DYM: variants seen among roughly 807,000 people sequenced by gnomAD.
DYM encodes dyggve-Melchior-Clausen syndrome protein.
Under a neutral mutation model 93.1 loss-of-function variants are expected in DYM, and 78 were observed. That is an observed-to-expected ratio of 0.84 (90% confidence interval 0.70 to 1.01). The LOEUF (loss-of-function observed/expected upper bound fraction) is 1.01. Among genes scored for constraint, DYM ranks in the 50% least tolerant of loss-of-function variants. The pLI, the probability that DYM is intolerant of heterozygous loss-of-function variation, is 0.00. For synonymous variants in DYM, 321 were observed against 319.7 expected, an observed-to-expected ratio of 1.00 and a Z score of -0.04; for missense variants, 789 against 845.0, an observed-to-expected ratio of 0.93 and a Z score of 0.82.
chr18:49,049,403 G>A (rs1030281321), intron 17 of DYM, among the ~76,000 whole-genome samples: 3 of 152,144 alleles, frequency 2.0e-5, no homozygotes, highest in African/African-American at 7.2e-5. Flanking sequence ...GGACACATGG[G>A]GTCCCAGCCT....
intron 1 of DYM, among the ~76,000 whole-genome samples, chr18:49,430,985 G>A (rs910183840): frequency 6.6e-6 from 1 of 152,162 alleles, no homozygotes; most frequent in Non-Finnish European, 1.5e-5. Context: ...TCTTAGGATG[G>A]GCATAGCTCT....
chr18:49,389,258 A>C (rs79607540), intron 3 of DYM, among the ~76,000 whole-genome samples: 2 of 152,282 alleles, frequency 1.3e-5, no homozygotes, highest in East Asian at 3.9e-4. Flanking sequence ...TAAACATGTA[A>C]CACATTCCTG....
intron 17 of DYM, among the ~76,000 whole-genome samples, chr18:49,067,208 G>GTT (rs2076481265): frequency 7.8e-6 from 1 of 128,618 alleles, no homozygotes; most frequent in African/African-American, 2.9e-5. Flanking sequence ...GGGGTGATGT[G>GTT]AGCACTATGC....
At chr18:49,321,183 A>G (rs1055414452) in intron 8 of DYM, 2 of 391,490 alleles carry the variant, frequency 5.1e-6, no homozygotes, top group Non-Finnish European at 9.0e-6. Context: ...AAATTCTACA[A>G]TTTACAACTC....
chr18:49,370,280 GAAAAA>G (rs35985394), intron 5 of DYM, among the ~76,000 whole-genome samples: 1 of 121,034 alleles, frequency 8.3e-6, no homozygotes, highest in Non-Finnish European at 1.7e-5. Flanking sequence ...CTCCATCTCA[GAAAAA>G]AAAAAAAAAA....
chr18:49,282,008 T>C lies in DYM; in HGVS notation c.1114A>G (p.Met372Val), dbSNP rs1336246999. ...AGTATGATACTTACAAGATTTTCCA[T>C]ATCTGTGCGAGCCAACATGTATGTT... is the stretch of plus-strand genomic sequence containing the variant. ...IRTYMLARTDMENLVLPILEI... is the reference protein window; with the variant it reads ...IRTYMLARTDVENLVLPILEI... Residue 372 changes from methionine (M) to valine (V), a missense_variant, in exon 10 of 18, where the codon ATG (methionine) becomes GTG (valine). Met to Val is a conservative substitution (Grantham distance 21). This residue lies in a region of DYM where 450 missense variants were observed against 436.2 expected (regional missense o/e 1.03). Coordinates refer to ENST00000675505, the MANE Select transcript of DYM (RefSeq NM_001353214.3). 8 of 1,613,516 alleles carry C rather than the reference T, an allele frequency of 5.0e-6. No homozygotes were observed. The highest frequency in any genetic ancestry group is 6.8e-6 in the Non-Finnish European group (8 of 1,179,620).
chr18:49,313,785 T>C (rs1201018850), intron 8 of DYM, among the ~76,000 whole-genome samples: 1 of 152,022 alleles, frequency 6.6e-6, no homozygotes, highest in African/African-American at 2.4e-5. Context: ...CCCTTTCTGG[T>C]AACATCTTTT....
Position 49,163,768 on chromosome 18 carries a change from T to C in DYM, c.1645A>G (p.Lys549Glu). 6.2e-7 allele frequency: 1 copy of C among 1,610,638 alleles called. No individual in the cohort carries two copies. The highest frequency in any genetic ancestry group is 8.5e-7 in the Non-Finnish European group (1 of 1,177,938). Residue 549 changes from lysine to glutamate, a missense_variant, in exon 15 of 18, where the codon AAA becomes GAA. Physicochemically the swap from Lys to Glu is moderately conservative, Grantham distance 56 (BLOSUM62 1). Around this residue, in one of 3 missense-constraint regions of DYM, gnomAD observed 225 missense variants for 303.0 expected, o/e 0.74. Transcript: ENST00000675505. ...YASSLFSLLSKKHNKVLEQAT... is the reference protein window; with the variant it reads ...YASSLFSLLSEKHNKVLEQAT... Reference sequence around the variant, plus strand: ...TGTTCCAGAACTTTGTTGTGTTTTTTAGACAGCAAAGAAAATAAACTGGAA... The same window carrying C: ...TGTTCCAGAACTTTGTTGTGTTTTTCAGACAGCAAAGAAAATAAACTGGAA...
At chr18:49,449,471 T>A (rs199700743) in intron 1 of DYM, among the ~76,000 whole-genome samples, 1 of 152,208 alleles carries the variant, frequency 6.6e-6, no homozygotes, top group Non-Finnish European at 1.5e-5. Context: ...TGTTTTTCCT[T>A]CTTTCACAGT....
intron 17 of DYM, among the ~76,000 whole-genome samples, chr18:49,071,846 A>G (rs953191272): frequency 6.6e-6 from 1 of 152,230 alleles, no homozygotes. Flanking sequence ...TCCCATGTAT[A>G]GCGTCTTGTC....
chr18:49,443,843 T>A (rs761547603), intron 1 of DYM, among the ~76,000 whole-genome samples: 1 of 152,198 alleles, frequency 6.6e-6, no homozygotes, highest in Non-Finnish European at 1.5e-5. Flanking sequence ...TTAATTAAAT[T>A]GTGTTTGATT....
At chr18:49,434,905 T>A (rs2148507282) in intron 1 of DYM, among the ~76,000 whole-genome samples, 1 of 152,146 alleles carries the variant, frequency 6.6e-6, no homozygotes, top group African/African-American at 2.4e-5. Flanking sequence ...AAACTGAGCT[T>A]CATCAAATTA....
chr18:49,045,187 G>A (rs1286154487), intron 17 of DYM, among the ~76,000 whole-genome samples: 1 of 152,136 alleles, frequency 6.6e-6, no homozygotes, highest in African/African-American at 2.4e-5. Flanking sequence ...GGAGGAGGAC[G>A]GTGGAAGGCT....
intron 16 of DYM, among the ~76,000 whole-genome samples, chr18:49,110,364 T>C (rs1232377887): frequency 6.6e-6 from 1 of 152,250 alleles, no homozygotes; most frequent in African/African-American, 2.4e-5. Flanking sequence ...ATATGATAGT[T>C]CTTCTGTTTG....
intron 14 of DYM, among the ~76,000 whole-genome samples, chr18:49,199,454 A>G (rs559088396): frequency 8.0e-4 from 122 of 152,322 alleles, no homozygotes; most frequent in Non-Finnish European, 1.1e-3. Flanking sequence ...TTTGACTTAT[A>G]CTGCACTGAC....
At chr18:49,248,884 C>A (rs2094225338) in intron 13 of DYM, among the ~76,000 whole-genome samples, 1 of 152,152 alleles carries the variant, frequency 6.6e-6, no homozygotes, top group Non-Finnish European at 1.5e-5. Flanking sequence ...CACATCCATA[C>A]CTGTCTCAAA....
chr18:49,295,317 A>T (rs555228290), intron 8 of DYM, among the ~76,000 whole-genome samples: 1 of 152,346 alleles, frequency 6.6e-6, no homozygotes, highest in South Asian at 2.1e-4. Flanking sequence ...ATAAAATTTT[A>T]AAACTTTAGA....
Position 49,367,399 on chromosome 18 carries a change from C to T in DYM, c.422-4166G>A, listed in dbSNP as rs528927536. On this transcript the variant is annotated intron_variant, in intron 5 of 17. Transcript: ENST00000675505. Reference sequence around the variant, plus strand: ...TCCCTTAAGGTTCTAATAATCTATACCCAAAATTAAGCTGCAGTCCCTGTT... The same window carrying T: ...TCCCTTAAGGTTCTAATAATCTATATCCAAAATTAAGCTGCAGTCCCTGTT... 2.6e-5 allele frequency among the ~76,000 whole-genome samples: 4 copies of T among 152,184 alleles called. No homozygotes were observed. In the East Asian group the frequency reaches 7.7e-4, roughly 29 times the overall value.
intron 16 of DYM, among the ~76,000 whole-genome samples, chr18:49,102,431 A>T (rs1260465545): frequency 6.6e-6 from 1 of 151,858 alleles, no homozygotes; most frequent in East Asian, 1.9e-4. Flanking sequence ...TCTTTTTTTT[A>T]ATACTTTCAG....
Sources: allele counts gnomAD v4.1 joint callset (sites outside exome capture counted in the v4.1 genomes callset), GRCh38; gene constraint gnomAD v4.1.1; regional missense constraint gnomAD v4.1.1; transcripts MANE v1.5; gene names NCBI Gene and HGNC (gene_info 2026-07-23, HGNC 2026-07-21).